EPHB1: variants seen among roughly 807,000 people sequenced by gnomAD.
EPHB1 encodes ephrin type-B receptor 1.
A neutral mutation model predicts 94.4 loss-of-function variants in EPHB1; 30 were observed. The observed-to-expected ratio is 0.32, with a 90% confidence interval of 0.24 to 0.43. The LOEUF is 0.43. EPHB1 is among the 20% of genes least tolerant of loss of function. The pLI is 1.00. For synonymous variants in EPHB1, 522 were observed against 489.1 expected, an observed-to-expected ratio of 1.07 and a Z score of -0.89; for missense variants, 1,055 against 1,308.3, an observed-to-expected ratio of 0.81 and a Z score of 2.99.
intron 1 of EPHB1, among the ~76,000 whole-genome samples, chr3:134,797,299 G>A (rs1333421280): frequency 2.0e-5 from 3 of 152,158 alleles, no homozygotes; most frequent in Non-Finnish European, 4.4e-5. Flanking sequence ...GCCTGGGTTT[G>A]ACTTATTGAG....
intron 4 of EPHB1, among the ~76,000 whole-genome samples, chr3:135,114,187 A>G (rs1939581501): frequency 6.6e-6 from 1 of 152,154 alleles, no homozygotes; most frequent in Non-Finnish European, 1.5e-5. Flanking sequence ...TCACGTACAG[A>G]TCATTTTAAA....
intron 1 of EPHB1, among the ~76,000 whole-genome samples, chr3:134,853,945 A>G (rs1372774125): frequency 6.6e-6 from 1 of 152,144 alleles, no homozygotes; most frequent in African/African-American, 2.4e-5. Flanking sequence ...CCCATACTCA[A>G]GCCTCCAAAT....
chr3:134,836,734 C>T (rs1166961966), intron 1 of EPHB1, among the ~76,000 whole-genome samples: 2 of 152,168 alleles, frequency 1.3e-5, no homozygotes, highest in African/African-American at 4.8e-5. Flanking sequence ...TACAAATCAG[C>T]TTAAATGTAA....
intron 15 of EPHB1, among the ~76,000 whole-genome samples, chr3:135,255,906 A>G (rs1218038589): frequency 2.0e-5 from 3 of 146,382 alleles, no homozygotes; most frequent in African/African-American, 7.6e-5. Flanking sequence ...GTGCTCCTGT[A>G]TTGGGTGCAT....
chr3:135,165,713 C>T (rs912934035), intron 7 of EPHB1, among the ~76,000 whole-genome samples: 21 of 152,218 alleles, frequency 1.4e-4, no homozygotes, highest in Non-Finnish European at 2.9e-5. Context: ...CATCTCTGCT[C>T]CAGGAATGTC....
chr3:135,159,916 T>TTCTG (rs1223731736), intron 6 of EPHB1, among the ~76,000 whole-genome samples: 14 of 152,220 alleles, frequency 9.2e-5, no homozygotes, highest in African/African-American at 3.1e-4. Flanking sequence ...GCATGTTTAA[T>TTCTG]TCTGTTCTCA....
chr3:135,231,368 A>AT (rs547980849), intron 12 of EPHB1, among the ~76,000 whole-genome samples: 179 of 152,070 alleles, frequency 1.2e-3, no homozygotes, highest in Non-Finnish European at 2.0e-3. Context: ...TTGGTTGAAG[A>AT]TTTTTTTTCC....
chr3:134,925,750 G>A (rs2038777393), intron 1 of EPHB1, 66 bp from the exon 2 acceptor site: 5 of 1,350,216 alleles, frequency 3.7e-6, no homozygotes, highest in African/African-American at 1.5e-5. Context: ...GACCTTGAGG[G>A]CCACTGTATA....
chr3:134,916,058 G>A (rs923731301), intron 1 of EPHB1, among the ~76,000 whole-genome samples: 22 of 152,116 alleles, frequency 1.4e-4, no homozygotes, highest in Non-Finnish European at 2.9e-5. Context: ...GTGCTGATTG[G>A]TGCGTTTACA....
intron 4 of EPHB1, among the ~76,000 whole-genome samples, chr3:135,108,016 G>C (rs941629945): frequency 2.0e-5 from 3 of 152,148 alleles, no homozygotes; most frequent in African/African-American, 7.2e-5. Context: ...TAAGGATGCT[G>C]AATCACTGCT....
At chr3:135,256,290 G>A (rs1213964601) in intron 15 of EPHB1, among the ~76,000 whole-genome samples, 1 of 152,148 alleles carries the variant, frequency 6.6e-6, no homozygotes, top group African/African-American at 2.4e-5. Flanking sequence ...TTGCTTGTTA[G>A]TTGATGCAGT....
chr3:135,054,034 T>TAC (rs148821607), intron 3 of EPHB1, among the ~76,000 whole-genome samples: 2 of 103,210 alleles, frequency 1.9e-5, no homozygotes, highest in Non-Finnish European at 4.2e-5. Context: ...CATATATATA[T>TAC]ATATATACAC....
chr3:135,162,291 G>A (rs573589920), intron 7 of EPHB1, 111 bp downstream of exon 7: 1 of 1,246,588 alleles, frequency 8.0e-7, no homozygotes, highest in African/African-American at 1.5e-5. Context: ...CTGGATTCCA[G>A]TGGAATTCCC....
chr3:134,896,571 T>C (rs575638472), intron 1 of EPHB1, among the ~76,000 whole-genome samples: 4 of 152,370 alleles, frequency 2.6e-5, no homozygotes, highest in African/African-American at 9.6e-5. Context: ...AGTGACCTGA[T>C]GATTTCCTCT....
intron 3 of EPHB1, among the ~76,000 whole-genome samples, chr3:134,978,430 A>C (rs1044880262): frequency 9.2e-5 from 14 of 152,278 alleles, no homozygotes; most frequent in Admixed American, 9.2e-4. Context: ...GGCATTTAGC[A>C]ATCTGCCCCC....
At chr3:134,920,352 CG>C (rs1440127233) in intron 1 of EPHB1, among the ~76,000 whole-genome samples, 4 of 152,284 alleles carry the variant, frequency 2.6e-5, no homozygotes, top group Middle Eastern at 3.4e-3. Flanking sequence ...CTTGCATTTA[CG>C]TAATAGCAGC....
chr3:134,896,072 A>G (rs933208971), intron 1 of EPHB1, among the ~76,000 whole-genome samples: 2 of 151,950 alleles, frequency 1.3e-5, no homozygotes, highest in Non-Finnish European at 2.9e-5. Context: ...TAGCCTTCCT[A>G]GGATCAATGG....
At chr3:134,928,248 G>A (rs371151406) in intron 2 of EPHB1, among the ~76,000 whole-genome samples, 33 of 152,118 alleles carry the variant, frequency 2.2e-4, no homozygotes, top group African/African-American at 7.7e-4. Context: ...ATCTCTGCTC[G>A]TGTCCATCCT....
intron 1 of EPHB1, among the ~76,000 whole-genome samples, chr3:134,825,621 T>C (rs2036462844): frequency 6.6e-6 from 1 of 152,180 alleles, no homozygotes; most frequent in Non-Finnish European, 1.5e-5. Flanking sequence ...TGCTGAAATC[T>C]AGGTACACCA....
Sources: gnomAD v4.1 joint callset for allele counts (sites outside exome capture counted in the v4.1 genomes callset) on GRCh38, gnomAD v4.1.1 for gene constraint, MANE v1.5 for transcripts, NCBI Gene and HGNC (gene_info 2026-07-23, HGNC 2026-07-21) for gene names.